The following COL22A1 variants were observed in gnomAD, a reference collection of about 807,000 sequenced individuals.
COL22A1 encodes the protein collagen type XXII alpha 1 chain.
COL22A1 carries 221 observed loss-of-function variants against 248.9 expected under a neutral mutation model. The observed-to-expected ratio is 0.89, with a 90% confidence interval of 0.80 to 0.99. The LOEUF (loss-of-function observed/expected upper bound fraction) is 0.99, where lower values mean the gene tolerates loss of function less well. Among genes scored for constraint, COL22A1 ranks in the 50% least tolerant of loss-of-function variants. The probability of loss-of-function intolerance (pLI) is 0.00; values close to 1 mark genes in which losing one functional copy is unlikely to be tolerated. For synonymous variants in COL22A1, 891 were observed against 793.4 expected (o/e 1.12, Z -2.07); for missense variants, 2,240 against 2,179.0 (o/e 1.03, Z -0.56).
chr8:138,605,555 A>C (rs1253024902), intron 58 of COL22A1, among the ~76,000 whole-genome samples: 1 of 152,064 alleles, frequency 6.6e-6, no homozygotes, highest in Non-Finnish European at 1.5e-5. Flanking sequence ...AGGGGCTACC[A>C]CCTCCAACGG....
chr8:138,784,097 C>T (rs557592995), intron 12 of COL22A1, among the ~76,000 whole-genome samples: 9 of 152,164 alleles, frequency 5.9e-5, no homozygotes, highest in South Asian at 2.1e-4. Context: ...GCAGAGGGTT[C>T]GAAGATGTTA....
At chr8:138,727,201 A>G (rs932740473) in intron 23 of COL22A1, among the ~76,000 whole-genome samples, 9 of 152,248 alleles carry the variant, frequency 5.9e-5, no homozygotes, top group South Asian at 4.1e-4. Context: ...CCAGCACCAC[A>G]GCGTCCAGAA....
intron 56 of COL22A1, among the ~76,000 whole-genome samples, chr8:138,609,584 A>C (rs1251414788): frequency 6.6e-6 from 1 of 152,186 alleles, no homozygotes; most frequent in African/African-American, 2.4e-5. Flanking sequence ...CGAACGCTGC[A>C]TAACGCTTCT....
At chr8:138,821,083 G>T (rs1388539749) in intron 7 of COL22A1, 53 bp downstream of exon 7, 39 of 1,587,202 alleles carry the variant, frequency 2.5e-5, no homozygotes, top group Non-Finnish European at 3.3e-5. Flanking sequence ...AGCTCCCAAG[G>T]CTTCTCCCCG....
intron 1 of COL22A1, among the ~76,000 whole-genome samples, chr8:138,908,629 T>C (rs1815203807): frequency 6.6e-6 from 1 of 152,184 alleles, no homozygotes; most frequent in Non-Finnish European, 1.5e-5. Context: ...TGTGTCCATC[T>C]GTAAAGGGGG....
intron 22 of COL22A1, among the ~76,000 whole-genome samples, chr8:138,747,331 T>C (rs1192126276): frequency 6.6e-6 from 1 of 152,202 alleles, no homozygotes; most frequent in African/African-American, 2.4e-5. Context: ...TCATAAAACA[T>C]TTTTTTCATC....
intron 49 of COL22A1, among the ~76,000 whole-genome samples, chr8:138,633,704 C>A (rs1820916521): frequency 6.6e-6 from 1 of 152,188 alleles, no homozygotes; most frequent in Admixed American, 6.5e-5. Flanking sequence ...GTATCAGCAT[C>A]ATTATCAGTT....
intron 25 of COL22A1, among the ~76,000 whole-genome samples, chr8:138,722,688 C>T (rs13260589): frequency 0.26 from 40,136 of 151,926 alleles, 6,211 homozygotes; most frequent in Non-Finnish European, 0.35. Context: ...GGTGAGGAGA[C>T]GAAGGCTCTG....
chr8:138,696,302 G>A (rs1433384702), intron 32 of COL22A1, among the ~76,000 whole-genome samples: 2 of 152,180 alleles, frequency 1.3e-5, no homozygotes, highest in African/African-American at 2.4e-5. Flanking sequence ...ATAAGCCCAA[G>A]GAGAGCTGGG....
At chr8:138,858,459 C>A (rs1428343368) in intron 3 of COL22A1, among the ~76,000 whole-genome samples, 1 of 152,108 alleles carries the variant, frequency 6.6e-6, no homozygotes, top group Non-Finnish European at 1.5e-5. Flanking sequence ...CAGCTCACTG[C>A]AGCCTCCAAC....
chr8:138,689,565 A>ATT, intron 36 of COL22A1, among the ~76,000 whole-genome samples: 1 of 152,196 alleles, frequency 6.6e-6, no homozygotes, highest in African/African-American at 2.4e-5. Flanking sequence ...AAATACAAAA[A>ATT]TTAGCTGGGC....
chr8:138,672,515 G>A (rs1028411071), intron 41 of COL22A1, among the ~76,000 whole-genome samples: 1 of 152,226 alleles, frequency 6.6e-6, no homozygotes, highest in African/African-American at 2.4e-5. Context: ...TAGGCTAGAA[G>A]GCCCACTGGA....
chr8:138,857,263 C>A (rs1013870207), intron 3 of COL22A1, among the ~76,000 whole-genome samples: 1 of 152,184 alleles, frequency 6.6e-6, no homozygotes, highest in African/African-American at 2.4e-5. Context: ...ACACTCAGAG[C>A]CCACCCTCAC....
intron 41 of COL22A1, among the ~76,000 whole-genome samples, chr8:138,665,733 G>A (rs918966205): frequency 6.6e-6 from 1 of 152,052 alleles, no homozygotes; most frequent in Non-Finnish European, 1.5e-5. Context: ...GAGTTTCCAC[G>A]AACTTTGGAG....
At chr8:138,615,914 C>T in intron 55 of COL22A1, 87 bp downstream of exon 55, 1 of 949,174 alleles carries the variant, frequency 1.1e-6, no homozygotes, top group East Asian at 2.5e-5. Flanking sequence ...CTGCCACCAG[C>T]CATTGTGGGG....
At chr8:138,784,524 A>G (rs1177898999) in intron 12 of COL22A1, among the ~76,000 whole-genome samples, 2 of 152,210 alleles carry the variant, frequency 1.3e-5, no homozygotes, top group African/African-American at 4.8e-5. Context: ...AAATTTTAAA[A>G]TCTGAGATTG....
chr8:138,623,111 C>T (rs1455696442), intron 52 of COL22A1, among the ~76,000 whole-genome samples: 1 of 151,810 alleles, frequency 6.6e-6, no homozygotes, highest in African/African-American at 2.4e-5. Context: ...ACTGGGACCA[C>T]CAAGACATTC....
At chr8:138,739,368 T>C (rs577281907) in intron 22 of COL22A1, among the ~76,000 whole-genome samples, 2 of 152,260 alleles carry the variant, frequency 1.3e-5, no homozygotes, top group East Asian at 1.9e-4. Context: ...GGTATCCACA[T>C]AGATCAGTTT....
At chr8:138,864,524 A>C (rs1414624743) in intron 3 of COL22A1, among the ~76,000 whole-genome samples, 4 of 152,160 alleles carry the variant, frequency 2.6e-5, no homozygotes, top group African/African-American at 9.7e-5. Flanking sequence ...CCTGCCTCCC[A>C]GGTTTTTGTG....
Sources: allele counts gnomAD v4.1 joint callset (sites outside exome capture counted in the v4.1 genomes callset), GRCh38; gene constraint gnomAD v4.1.1; transcripts MANE v1.5; gene names NCBI Gene and HGNC (gene_info 2026-07-23, HGNC 2026-07-21).